The following STRN variants were observed in gnomAD, a reference collection of about 807,000 sequenced individuals.
STRN encodes the protein protein phosphatase 2 regulatory subunit B'''alpha.
A neutral mutation model predicts 96.3 loss-of-function variants in STRN; 53 were observed. That is an observed-to-expected ratio of 0.55 (90% CI 0.44 to 0.69). The LOEUF (loss-of-function observed/expected upper bound fraction) is 0.69. STRN is among the 30% of genes least tolerant of loss of function. The pLI, the probability that STRN is intolerant of heterozygous loss-of-function variation, is 0.00. For missense variants in STRN, 987 were observed against 963.9 expected (o/e 1.02, Z -0.32); for synonymous variants, 428 against 355.9 (o/e 1.20, Z -2.28).
chr2:36,931,241 G>T (rs11679564), intron 1 of STRN, among the ~76,000 whole-genome samples: 69,209 of 151,790 alleles, frequency 0.46, 17,297 homozygotes, highest in East Asian at 0.67. Flanking sequence ...AAATTCCTTA[G>T]TTATGACTAT....
chr2:36,953,039 A>C (rs946232394), intron 1 of STRN, among the ~76,000 whole-genome samples: 1 of 152,240 alleles, frequency 6.6e-6, no homozygotes, highest in Non-Finnish European at 1.5e-5. Context: ...TTTATTTCTC[A>C]TAACTAGATA....
At chr2:36,940,140 TGAA>T (rs1572689858) in intron 1 of STRN, among the ~76,000 whole-genome samples, 1 of 152,342 alleles carries the variant, frequency 6.6e-6, no homozygotes, top group Non-Finnish European at 1.5e-5. Context: ...TTCTGATTAC[TGAA>T]GAAATGAACA....
chr2:36,851,549 A>C (rs751118753), intron 15 of STRN, among the ~76,000 whole-genome samples: 126 of 152,304 alleles, frequency 8.3e-4, no homozygotes, highest in Middle Eastern at 6.8e-3. Flanking sequence ...TCTTTAGTTC[A>C]TTTATTCTGT....
intron 10 of STRN, among the ~76,000 whole-genome samples, chr2:36,871,309 G>A (rs182518197): frequency 1.3e-5 from 2 of 152,284 alleles, no homozygotes; most frequent in African/African-American, 2.4e-5. Context: ...AGCTCCATTC[G>A]TGATAAGTGT....
rs541254899 is a variant in STRN, at chr2:36,838,129, T to C, written c.*11327A>G. On this transcript the variant is annotated 3_prime_UTR_variant, in exon 18 of 18. Transcript: ENST00000263918. ...AGCAGTTTTCTCTGGCTGGTAGAAG[T>C]AGAGTCAAAGTATAAAAATAATTTG... Among the ~76,000 whole-genome samples the C allele has an allele frequency of 7.9e-5, 12 of 152,280 alleles. No individual in the cohort carries two copies. The highest frequency in any genetic ancestry group is 2.6e-4 in the African/African-American group (11 of 41,556).
chr2:36,929,051 C>G (rs2148236736), intron 1 of STRN, among the ~76,000 whole-genome samples: 1 of 151,946 alleles, frequency 6.6e-6, no homozygotes, highest in Middle Eastern at 3.4e-3. Flanking sequence ...GCATATACTT[C>G]TGGAGAAGAA....
At chr2:36,906,044 T>C (rs1433095574) in intron 3 of STRN, among the ~76,000 whole-genome samples, 2 of 152,240 alleles carry the variant, frequency 1.3e-5, no homozygotes, top group Non-Finnish European at 2.9e-5. Flanking sequence ...ACACAAAGGA[T>C]AAATGCTTCA....
chr2:36,961,285 A>T (rs531910971), intron 1 of STRN, among the ~76,000 whole-genome samples: 67 of 148,358 alleles, frequency 4.5e-4, no homozygotes, highest in Middle Eastern at 3.5e-3. Flanking sequence ...AATTAAAAAA[A>T]TTTTTTTTTC....
chr2:36,956,740 T>C (rs1664898979), intron 1 of STRN, among the ~76,000 whole-genome samples: 1 of 152,228 alleles, frequency 6.6e-6, no homozygotes, highest in African/African-American at 2.4e-5. Flanking sequence ...CAAAGAAAAG[T>C]AGATTTGAAA....
chr2:36,878,597 G>A (rs993150414), intron 9 of STRN, among the ~76,000 whole-genome samples: 3 of 152,076 alleles, frequency 2.0e-5, no homozygotes, highest in African/African-American at 7.2e-5. Flanking sequence ...CCAGGGCCCT[G>A]GTAATGTTCT....
chr2:36,897,768 T>C (rs1040380001), intron 6 of STRN, among the ~76,000 whole-genome samples: 1 of 152,106 alleles, frequency 6.6e-6, no homozygotes, highest in Non-Finnish European at 1.5e-5. Flanking sequence ...TGCAGTAGCA[T>C]GATCATGGCT....
rs1667932447 is a variant in STRN at position 36,840,734 on chromosome 2, T to C, written c.*8722A>G. On this transcript the variant is annotated 3_prime_UTR_variant, in exon 18 of 18. Transcript: ENST00000263918. ...GCTTATATAGACAAAAGCAAACAAA[T>C]AATCATTAACCTTTATTTTTGTAGG... 6.6e-6 allele frequency: 1 copy of C among 152,028 alleles called. No homozygotes were observed. The highest frequency in any genetic ancestry group is 2.4e-5 in the African/African-American group (1 of 41,382). The allele number at this position is 152,028 out of a possible 1,614,324, so 9.4% of individuals were successfully genotyped here.
chr2:36,859,635 C>T (rs939222377), intron 13 of STRN, among the ~76,000 whole-genome samples: 2 of 152,158 alleles, frequency 1.3e-5, no homozygotes, highest in Admixed American at 6.5e-5. Context: ...TTCAGTCTCT[C>T]AAGGAATGTT....
Position 36,905,526 on chromosome 2 carries a change from C to T in STRN, c.491+14G>A, listed in dbSNP as rs911738510. 4.3e-6 allele frequency: 7 copies of T among 1,611,110 alleles called. No individual in the cohort carries two copies. The South Asian group carries it at 7.7e-5, about 18-fold the overall frequency. On this transcript the variant is annotated intron_variant, in intron 4 of 17. Coordinates refer to ENST00000263918, the MANE Select transcript of STRN (RefSeq NM_003162.4). ...GTCTTCAGCCATTTATAAGTTTCAC[C>T]ATGAGACACTTACTGTCTGAGTAGT...
intron 2 of STRN, among the ~76,000 whole-genome samples, chr2:36,921,025 A>AT (rs1558653672): frequency 6.6e-6 from 1 of 151,854 alleles, no homozygotes; most frequent in Admixed American, 6.6e-5. Flanking sequence ...CAGTGAGCCG[A>AT]TATCACACCA....
At chr2:36,957,348 G>A (rs1664913425) in intron 1 of STRN, among the ~76,000 whole-genome samples, 1 of 152,174 alleles carries the variant, frequency 6.6e-6, no homozygotes, top group East Asian at 1.9e-4. Context: ...AGCACTTTGG[G>A]AGGCGGAGGC....
rs1667959730 is a variant in STRN, at chr2:36,841,835, G to T, written c.*7621C>A. On this transcript the variant is annotated 3_prime_UTR_variant, in exon 18 of 18. Coordinates refer to ENST00000263918, the MANE Select transcript of STRN (RefSeq NM_003162.4). ...TTTAGATAACAAGGACCAATGACAA[G>T]CCAGAATTGGAACCATTCATTCTTT... 6.6e-6 allele frequency: 1 copy of T among 152,162 alleles called. No homozygotes were observed. Among genetic ancestry groups the T allele is most frequent in the Non-Finnish European group, 1.5e-5 (1 of 68,016 alleles). The allele number at this position is 152,162 out of a possible 1,614,324, so 9.4% of individuals were successfully genotyped here.
Position 36,916,141 on chromosome 2 carries a change from G to A in STRN, c.349C>T (p.His117Tyr). The stretch of plus-strand genomic sequence containing the variant: ...AATTCTGTCCCGTATTTCAACTTGT[G>A]GTATTTGGCTCTAACAAAGAAATGA... ...YALKQERAKY[H>Y]KLKYGTELNQ... The change falls in exon 3 of 18, where the codon CAC becomes TAC. Residue 117 changes from histidine (H) to tyrosine (Y), a missense_variant. By Grantham distance (83) the His-to-Tyr change is moderately conservative. Transcript: ENST00000263918. 1 of 1,613,042 alleles carries A rather than the reference G, an allele frequency of 6.2e-7. No individual in the cohort carries two copies. The highest frequency in any genetic ancestry group is 8.5e-7 in the Non-Finnish European group (1 of 1,179,512).
chr2:36,952,018 G>A (rs1664765216), intron 1 of STRN, among the ~76,000 whole-genome samples: 1 of 152,174 alleles, frequency 6.6e-6, no homozygotes. Context: ...CTGATGATGT[G>A]AGGTGGAACA....
Sources: allele counts gnomAD v4.1 joint callset (sites outside exome capture counted in the v4.1 genomes callset), GRCh38; gene constraint gnomAD v4.1.1; transcripts MANE v1.5; gene names NCBI Gene and HGNC (gene_info 2026-07-23, HGNC 2026-07-21).